The following ATIC variants were observed in gnomAD, a reference collection of about 807,000 sequenced individuals.
ATIC encodes 5-aminoimidazole-4-carboxamide ribonucleotide formyltransferase/IMP cyclohydrolase, also known as bifunctional purine biosynthesis protein ATIC.
A neutral mutation model predicts 72.5 loss-of-function variants in ATIC; 64 were observed. The ratio of observed to expected loss-of-function variants is 0.88; its 90% CI spans 0.72 to 1.09. The LOEUF (loss-of-function observed/expected upper bound fraction) is 1.09. ATIC is among the 50% of genes least tolerant of loss of function. The pLI is 0.00. For synonymous variants in ATIC, 281 were observed against 267.1 expected (o/e 1.05, Z -0.51); for missense variants, 787 against 732.4 (o/e 1.07, Z -0.86).
chr2:215,361,985 T>C, the ATIC span: 90 of 1,613,002 alleles, frequency 5.6e-5, no homozygotes, highest in South Asian at 8.6e-4. Context: ...TGTTCTCTGA[T>C]GGTATCTCTG....
At chr2:215,318,703 A>T (rs1444333349) in intron 3 of ATIC, among the ~76,000 whole-genome samples, 1 of 152,154 alleles carries the variant, frequency 6.6e-6, no homozygotes, top group Non-Finnish European at 1.5e-5. Flanking sequence ...CAGTTGTGGT[A>T]CAATTTGGTG....
chr2:215,367,261 T>G, the ATIC span, among the ~76,000 whole-genome samples: 3 of 152,218 alleles, frequency 2.0e-5, no homozygotes, highest in Admixed American at 1.3e-4. Context: ...TTAAAAAATT[T>G]GAAAATTAAA....
chr2:215,314,528 C>T (rs7594345), intron 2 of ATIC, among the ~76,000 whole-genome samples: 72,338 of 150,968 alleles, frequency 0.48, 17,559 homozygotes, highest in South Asian at 0.73. Context: ...GATAGAGTTT[C>T]ACTCTTGTTG....
chr2:215,330,027 G>T (rs562226233), intron 7 of ATIC, among the ~76,000 whole-genome samples: 1 of 152,218 alleles, frequency 6.6e-6, no homozygotes, highest in Non-Finnish European at 1.5e-5. Flanking sequence ...CTCCCAAAGT[G>T]TTGGGGATTA....
At chr2:215,339,983 G>C (rs977157571) in intron 12 of ATIC, among the ~76,000 whole-genome samples, 2 of 147,616 alleles carry the variant, frequency 1.4e-5, no homozygotes, top group African/African-American at 5.0e-5. Flanking sequence ...TCCCTTTGAA[G>C]CTCGCTCTGT....
chr2:215,337,354 A>G (rs1247581134), intron 11 of ATIC, among the ~76,000 whole-genome samples: 1 of 152,140 alleles, frequency 6.6e-6, no homozygotes, highest in Admixed American at 6.5e-5. Context: ...AAAGAAGAGA[A>G]TACCACATTA....
intron 4 of ATIC, among the ~76,000 whole-genome samples, chr2:215,321,043 A>G (rs1165809935): frequency 6.6e-6 from 1 of 152,194 alleles, no homozygotes; most frequent in African/African-American, 2.4e-5. Context: ...AGATTTGGAG[A>G]GGACACACAT....
the ATIC span, among the ~76,000 whole-genome samples, chr2:215,357,294 G>A: frequency 1.7e-3 from 259 of 152,298 alleles, 2 homozygotes; most frequent in African/African-American, 6.1e-3. Context: ...GATGTATCTT[G>A]CCTAAGGGAG....
intron 14 of ATIC, 129 bp from the exon 15 acceptor site, chr2:215,348,965 A>T: frequency 1.3e-6 from 1 of 796,670 alleles, no homozygotes; most frequent in Non-Finnish European, 1.8e-6. Context: ...TAAAAAAAAA[A>T]AAATAATAAT....
chr2:215,363,448 A>G, the ATIC span: 4 of 152,214 alleles, frequency 2.6e-5, no homozygotes, highest in Non-Finnish European at 5.9e-5. Context: ...ATTCTCCTCC[A>G]TCAGAATTGG....
At chr2:215,336,248 C>T in intron 11 of ATIC, 124 bp downstream of exon 11, 1 of 784,654 alleles carries the variant, frequency 1.3e-6, no homozygotes. Flanking sequence ...TTATTTTCCC[C>T]AATCCTGCAT....
intron 7 of ATIC, among the ~76,000 whole-genome samples, chr2:215,330,705 CT>C (rs1339440494): frequency 2.6e-5 from 4 of 151,080 alleles, no homozygotes; most frequent in Non-Finnish European, 5.9e-5. Flanking sequence ...TTATCTTTTT[CT>C]CTTTTCTTTT....
chr2:215,314,895 A>G (rs1286439278), intron 2 of ATIC, among the ~76,000 whole-genome samples: 1 of 152,226 alleles, frequency 6.6e-6, no homozygotes, highest in Non-Finnish European at 1.5e-5. Flanking sequence ...AGAGAAAAGC[A>G]TAACAAATTT....
the ATIC span, chr2:215,361,563 G>A: frequency 6.9e-6 from 11 of 1,603,944 alleles, no homozygotes; most frequent in Middle Eastern, 1.7e-4. Flanking sequence ...ATTTACTCTC[G>A]GGAATCTTCT....
downstream of ATIC, among the ~76,000 whole-genome samples, chr2:215,353,351 C>T (rs536105042): frequency 6.6e-6 from 1 of 152,234 alleles, no homozygotes; most frequent in East Asian, 1.9e-4. Flanking sequence ...CTACCTACCC[C>T]ACCCCATTCC....
At chr2:215,336,314 A>C (rs2052954832) in intron 11 of ATIC, among the ~76,000 whole-genome samples, 190 bp downstream of exon 11, 1 of 152,168 alleles carries the variant, frequency 6.6e-6, no homozygotes, top group Non-Finnish European at 1.5e-5. Flanking sequence ...TCTTACCCTC[A>C]ATTTTAACTT....
At chr2:215,357,123 C>T in the ATIC span, among the ~76,000 whole-genome samples, 14 of 152,286 alleles carry the variant, frequency 9.2e-5, no homozygotes, top group East Asian at 2.3e-3. Flanking sequence ...GCACTTGGCT[C>T]AGCATCTTAC....
intron 9 of ATIC, among the ~76,000 whole-genome samples, chr2:215,334,038 T>A (rs1366802846): frequency 6.8e-6 from 1 of 147,564 alleles, no homozygotes; most frequent in African/African-American, 2.5e-5. Flanking sequence ...CGATACTCCG[T>A]CTCAAAAAAA....
chr2:215,335,036 T>C, intron 10 of ATIC, 32 bp downstream of exon 10: 1 of 1,507,596 alleles, frequency 6.6e-7, no homozygotes, highest in Non-Finnish European at 9.2e-7. Flanking sequence ...TTAATCTGTG[T>C]GTTGAATAAA....
Sources: allele counts gnomAD v4.1 joint callset (sites outside exome capture counted in the v4.1 genomes callset), GRCh38; gene constraint gnomAD v4.1.1; transcripts MANE v1.5; gene names NCBI Gene and HGNC (gene_info 2026-07-23, HGNC 2026-07-21).